The following PML variants were observed in gnomAD, a reference collection of about 807,000 sequenced individuals.
PML encodes the protein protein PML.
In PML, 28 loss-of-function variants were observed where a neutral mutation model predicts 65.2. The ratio of observed to expected loss-of-function variants is 0.43; its 90% CI spans 0.32 to 0.59. The LOEUF is 0.59. PML is among the 20% of genes least tolerant of loss of function. The probability of loss-of-function intolerance (pLI) is 0.08; values close to 1 mark genes in which losing one functional copy is unlikely to be tolerated. For missense variants in PML, 1,021 were observed against 1,203.4 expected (o/e 0.85, Z 2.24); for synonymous variants, 500 against 508.8 (o/e 0.98, Z 0.23).
chr15:74,037,538 C>T lies in PML; in HGVS notation c.1710+3008C>T. The T allele has an allele frequency of 1.0e-6, 1 of 985,428 alleles. No individual in the cohort carries two copies. Among genetic ancestry groups the T allele is most frequent in the Non-Finnish European group, 1.2e-6 (1 of 829,930 alleles). 61.0% of individuals were successfully genotyped at this position (985,428 alleles called of 1,614,324 possible). A position where few individuals can be genotyped will look rare whatever the true frequency, so the allele number is the denominator to read the frequency against. Reference sequence around the variant, plus strand: ...CTCTCTCCAGCTGTCGGCTCCCCTTCCTCTGCTCTCCTTGTTTACACTTCA... The same window carrying T: ...CTCTCTCCAGCTGTCGGCTCCCCTTTCTCTGCTCTCCTTGTTTACACTTCA... On this transcript the variant is annotated intron_variant, in intron 7 of 8. Coordinates refer to ENST00000268058, the MANE Select transcript of PML (RefSeq NM_033238.3). The surrounding 1 kb of genome is among the most constrained non-coding windows in gnomAD (Gnocchi z 4.2).
In PML at chr15:74,035,840, C is replaced by A. The variant is rs759409184; in HGVS notation, c.1710+1310C>A. On this transcript the variant is annotated intron_variant, in intron 7 of 8. Coordinates refer to ENST00000268058, the MANE Select transcript of PML (RefSeq NM_033238.3). The surrounding 1 kb of genome is among the most constrained non-coding windows in gnomAD (Gnocchi z 4.1). ...ACTCTGTCAGAGGCTCCATGGAGGC[C>A]TCTCAAGTCCAAGTGCCTCTGGAAG... 6.2e-7 allele frequency: 1 copy of A among 1,613,868 alleles called. No homozygotes were observed. The highest frequency in any genetic ancestry group is 8.5e-7 in the Non-Finnish European group (1 of 1,179,972).
Position 74,045,078 on chromosome 15 carries a change from C to A in PML, c.*70C>A. 7.3e-7 allele frequency: 1 copy of A among 1,366,514 alleles called. No individual in the cohort carries two copies. Among genetic ancestry groups the A allele is most frequent in the Non-Finnish European group, 9.9e-7 (1 of 1,007,632 alleles). 84.6% of individuals were successfully genotyped at this position (1,366,514 alleles called of 1,614,324 possible). A position where few individuals can be genotyped will look rare whatever the true frequency, so the allele number is the denominator to read the frequency against. On this transcript the variant is annotated 3_prime_UTR_variant, in exon 9 of 9. Transcript: ENST00000268058. ...ATGGGGTCCCTGAGCCAGGCCCCACCCATCACAGCATTCCCAGGTCCTGGT... is the reference window on the plus strand; with the variant it reads ...ATGGGGTCCCTGAGCCAGGCCCCACACATCACAGCATTCCCAGGTCCTGGT...
intron 2 of PML, among the ~76,000 whole-genome samples, chr15:74,020,712 G>C (rs1343036072): frequency 6.6e-6 from 1 of 152,188 alleles, no homozygotes; most frequent in Non-Finnish European, 1.5e-5. Flanking sequence ...ATATAAAGGT[G>C]TCAGCAGGCT....
At chr15:74,034,701 C>T (rs1191437180) in intron 7 of PML, 171 bp downstream of exon 7, 2 of 1,533,192 alleles carry the variant, frequency 1.3e-6, no homozygotes, top group Non-Finnish European at 1.8e-6. Flanking sequence ...CAGCTGCATG[C>T]CTGGACCACC....
chr15:74,022,246 C>T (rs1264383865), intron 2 of PML, among the ~76,000 whole-genome samples: 2 of 152,332 alleles, frequency 1.3e-5, no homozygotes, highest in South Asian at 2.1e-4. Flanking sequence ...CGTGAGCCAC[C>T]GCGCCCGGCC....
chr15:74,018,352 A>G (rs1288711968), intron 2 of PML, among the ~76,000 whole-genome samples: 7 of 151,902 alleles, frequency 4.6e-5, no homozygotes, highest in Admixed American at 2.6e-4. Flanking sequence ...AGAAAAAGAA[A>G]GAAAAGAAAT....
intron 2 of PML, among the ~76,000 whole-genome samples, chr15:73,999,636 T>C (rs1193608929): frequency 1.3e-5 from 2 of 152,194 alleles, no homozygotes; most frequent in African/African-American, 2.4e-5. Context: ...GTTGTTTCCG[T>C]TGAGGAATTA....
Position 74,033,245 on chromosome 15 carries a change from G to C in PML, c.1488G>C (p.Gly496=), listed in dbSNP as rs2071399522. ...RKVIKMESEE[G]KEARLARSSP... is the part of the protein sequence containing the mutation. ...TCATCAAGATGGAGTCTGAGGAGGG[G>C]AAGGAGGCAAGGTTGGCTCGGAGCT... is the stretch of plus-strand genomic sequence containing the variant. The change falls in exon 6 of 9, where the codon GGG becomes GGC. Residue 496 remains glycine (G), a synonymous_variant. Transcript: ENST00000268058. 1 of 1,614,232 alleles carries C rather than the reference G, an allele frequency of 6.2e-7. No homozygotes were observed. The highest frequency in any genetic ancestry group is 1.6e-4 in the Middle Eastern group (1 of 6,062).
chr15:74,018,772 T>C (rs562099534), intron 2 of PML, among the ~76,000 whole-genome samples: 18 of 152,376 alleles, frequency 1.2e-4, no homozygotes, highest in East Asian at 5.8e-4. Context: ...CTAGCCACTT[T>C]GGTGAGCAAT....
intron 2 of PML, among the ~76,000 whole-genome samples, chr15:74,017,210 T>G (rs1222181673): frequency 6.6e-6 from 1 of 152,250 alleles, no homozygotes; most frequent in Non-Finnish European, 1.5e-5. Context: ...GATGTAATTT[T>G]ACACATTTAA....
chr15:74,023,984 C>A (rs1028462794), intron 3 of PML, among the ~76,000 whole-genome samples: 2 of 152,158 alleles, frequency 1.3e-5, no homozygotes, highest in Admixed American at 1.3e-4. Context: ...AGTTTCTGAT[C>A]TCAAGGAGCC....
chr15:74,006,178 G>A (rs1420042129), intron 2 of PML, among the ~76,000 whole-genome samples: 1 of 152,074 alleles, frequency 6.6e-6, no homozygotes, highest in Non-Finnish European at 1.5e-5. Context: ...ATCACCTGAG[G>A]TCAGGAGTTC....
Position 74,035,898 on chromosome 15 carries a change from C to A in PML, c.1710+1368C>A. On this transcript the variant is annotated intron_variant, in intron 7 of 8. Transcript: ENST00000268058. This position sits in a 1 kb window ranked among gnomAD's most constrained non-coding sequence, Gnocchi z 4.1. ...AATTACATTCCCACCACCCTGTGCC[C>A]CAGAAAGGCCCCCCATCAGCCCAGT... The A allele has an allele frequency of 6.2e-7, 1 of 1,613,798 alleles. No individual in the cohort carries two copies. Among genetic ancestry groups the A allele is most frequent in the Non-Finnish European group, 8.5e-7 (1 of 1,179,996 alleles).
chr15:74,032,272 C>A (rs1028643525), intron 4 of PML: 2 of 451,748 alleles, frequency 4.4e-6, no homozygotes, highest in Non-Finnish European at 8.1e-6. Context: ...TGGCTCGTGC[C>A]TGTAATCCCA....
At chr15:74,003,132 T>G (rs949522510) in intron 2 of PML, among the ~76,000 whole-genome samples, 21 of 148,618 alleles carry the variant, frequency 1.4e-4, no homozygotes, top group South Asian at 4.3e-4. Context: ...AGACTCTGTC[T>G]TAAAAAAAGA....
rs556884444 is a variant in PML, at chr15:73,994,875, C to T, written c.63C>T (p.Pro21=). The change falls in exon 1 of 9, where the codon CCC becomes CCT. Residue 21 remains proline (P), a synonymous_variant. Transcript: ENST00000268058. ...AGGACCCCGCCCGGCCCCAGGAGCC[C>T]ACCATGCCTCCCCCCGAGACCCCCT... ...PQQDPARPQE[P]TMPPPETPSE... 94 of 1,555,696 alleles carry T rather than the reference C, an allele frequency of 6.0e-5. No individual in the cohort carries two copies. The African/African-American group carries it at 1.2e-3, about 20-fold the overall frequency.
In PML at chr15:74,043,129, T is replaced by G; in HGVS notation, c.1851T>G (p.Ile617Met). The change falls in exon 8 of 9, where the codon ATT (isoleucine) becomes ATG (methionine). Residue 617 changes from isoleucine to methionine, a missense_variant. Physicochemically the swap from Ile to Met is conservative, Grantham distance 10. Coordinates refer to ENST00000268058, the MANE Select transcript of PML (RefSeq NM_033238.3). This position sits in a 1 kb window ranked among gnomAD's most constrained non-coding sequence, Gnocchi z 4.3. ...CTCTGGTTTTCTTTGACCTCAAGAT[T>G]GACAATGAAAGTGGGTTCTCCTGGG... is the stretch of plus-strand genomic sequence containing the variant. ...DRPLVFFDLK[I>M]DNETQKISQL... The G allele has an allele frequency of 6.2e-7, 1 of 1,613,630 alleles. No homozygotes were observed. Among genetic ancestry groups the G allele is most frequent in the Middle Eastern group, 1.6e-4 (1 of 6,062 alleles).
intron 7 of PML, among the ~76,000 whole-genome samples, chr15:74,040,192 A>G (rs1567140212): frequency 6.6e-6 from 1 of 152,306 alleles, no homozygotes; most frequent in East Asian, 1.9e-4. Flanking sequence ...ATTTACTTGC[A>G]TCTTTTGAAA....
At chr15:74,008,250 G>T (rs1395491749) in intron 2 of PML, among the ~76,000 whole-genome samples, 2 of 152,188 alleles carry the variant, frequency 1.3e-5, no homozygotes, top group African/African-American at 4.8e-5. Context: ...TGATGTGAGG[G>T]CAGGCACTAG....
Sources: allele counts gnomAD v4.1 joint callset (sites outside exome capture counted in the v4.1 genomes callset), GRCh38; gene constraint gnomAD v4.1.1; non-coding constraint Gnocchi (gnomAD v3.1); transcripts MANE v1.5; gene names NCBI Gene and HGNC (gene_info 2026-07-23, HGNC 2026-07-21).